RNLS: variants seen among roughly 807,000 people sequenced by gnomAD.
RNLS encodes renalase, FAD dependent amine oxidase, also known as renalase.
RNLS carries 39 observed loss-of-function variants against 39.8 expected under a neutral mutation model. The observed-to-expected ratio is 0.98, with a 90% CI of 0.76 to 1.28. The LOEUF is 1.28. RNLS is among the 50% of genes most tolerant of loss of function. The pLI, the probability that RNLS is intolerant of heterozygous loss-of-function variation, is 0.00. For synonymous variants in RNLS, 147 were observed against 150.7 expected (o/e 0.98, Z 0.18); for missense variants, 410 against 413.3 (o/e 0.99, Z 0.07).
chr10:88,404,269 A>C (rs1431692884), intron 4 of RNLS, among the ~76,000 whole-genome samples: 2 of 152,052 alleles, frequency 1.3e-5, no homozygotes, highest in Admixed American at 1.3e-4. Context: ...TGCAACTGAG[A>C]ATCAATTGAT....
the RNLS span, among the ~76,000 whole-genome samples, chr10:88,224,805 A>T: frequency 4.4e-4 from 67 of 152,348 alleles, no homozygotes; most frequent in African/African-American, 1.6e-3. Flanking sequence ...AATTCAAATG[A>T]TAACACAAAT....
At position 88,572,995 on chromosome 10, in the gene RNLS, G is replaced by T; in HGVS notation, c.434C>A (p.Ser145Tyr). ...CTGCTCAGGGGAGCCTGTTTGTTTG[G>T]ATACTTCCCATTTGTCATCTCTTAG... is the stretch of plus-strand genomic sequence containing the variant. Reference protein sequence around the residue: ...INLRDDKWEVSKQTGSPEQFD... With the variant: ...INLRDDKWEVYKQTGSPEQFD... The change falls in exon 4 of 7, where the codon TCC becomes TAC. Residue 145 changes from serine (S) to tyrosine (Y), a missense_variant. Transcript: ENST00000331772. 2 of 1,614,056 alleles carry T rather than the reference G, an allele frequency of 1.2e-6. No homozygotes were observed. Among genetic ancestry groups the T allele is most frequent in the Non-Finnish European group, 8.5e-7 (1 of 1,179,936 alleles).
At chr10:88,576,393 G>T (rs2134469748) in intron 3 of RNLS, among the ~76,000 whole-genome samples, 2 of 152,260 alleles carry the variant, frequency 1.3e-5, no homozygotes, top group Middle Eastern at 6.8e-3. Flanking sequence ...ATGTGTTTCT[G>T]TTATATATTT....
chr10:88,235,184 C>T, the RNLS span, among the ~76,000 whole-genome samples: 10 of 138,708 alleles, frequency 7.2e-5, no homozygotes, highest in African/African-American at 1.6e-4. Context: ...AAGAGAATGG[C>T]GTGAACGCGG....
At chr10:88,556,243 C>T (rs73357264) in intron 4 of RNLS, among the ~76,000 whole-genome samples, 1 of 152,126 alleles carries the variant, frequency 6.6e-6, no homozygotes, top group African/African-American at 2.4e-5. Context: ...ATCCTGGCAG[C>T]CATACTTTTG....
chr10:88,432,271 C>T (rs1425889187), intron 4 of RNLS, among the ~76,000 whole-genome samples: 1 of 151,810 alleles, frequency 6.6e-6, no homozygotes, highest in Admixed American at 6.6e-5. Flanking sequence ...GTTTATATAG[C>T]CACTTCAGCT....
chr10:88,228,826 T>C, the RNLS span, among the ~76,000 whole-genome samples: 1 of 152,230 alleles, frequency 6.6e-6, no homozygotes, highest in Non-Finnish European at 1.5e-5. Context: ...TAACAGCACA[T>C]GTAGCATCTC....
chr10:88,492,577 C>T (rs1246056432), intron 4 of RNLS, among the ~76,000 whole-genome samples: 1 of 151,876 alleles, frequency 6.6e-6, no homozygotes, highest in African/African-American at 2.4e-5. Flanking sequence ...CACCACCATG[C>T]CTGGCTAATT....
At chr10:88,481,192 C>T (rs1477463561) in intron 4 of RNLS, among the ~76,000 whole-genome samples, 1 of 152,110 alleles carries the variant, frequency 6.6e-6, no homozygotes. Context: ...TTACTTTTAA[C>T]TAGTGTCTTT....
chr10:88,187,147 T>C, the RNLS span, among the ~76,000 whole-genome samples: 1 of 116,204 alleles, frequency 8.6e-6, no homozygotes, highest in Non-Finnish European at 2.0e-5. Flanking sequence ...GCTCAAAAAA[T>C]ATATATATAT....
At chr10:88,227,766 G>T in the RNLS span, among the ~76,000 whole-genome samples, 1 of 152,152 alleles carries the variant, frequency 6.6e-6, no homozygotes, top group Non-Finnish European at 1.5e-5. Flanking sequence ...ATCATTCCTT[G>T]CCAGTCATCC....
chr10:88,397,749 T>C (rs1347919879), intron 4 of RNLS, among the ~76,000 whole-genome samples: 1 of 151,760 alleles, frequency 6.6e-6, no homozygotes, highest in Non-Finnish European at 1.5e-5. Flanking sequence ...AAAAGTCATA[T>C]GAAAATTCAC....
intron 4 of RNLS, among the ~76,000 whole-genome samples, chr10:88,445,910 C>T (rs574922593): frequency 3.9e-5 from 6 of 152,136 alleles, no homozygotes; most frequent in African/African-American, 1.2e-4. Context: ...ATCAACAAGA[C>T]AGAAAGTTAA....
chr10:88,248,196 A>G, the RNLS span, among the ~76,000 whole-genome samples: 3 of 152,258 alleles, frequency 2.0e-5, no homozygotes, highest in African/African-American at 7.2e-5. Context: ...GAGCAAGTTC[A>G]GAAAGATCTA....
chr10:88,387,162 C>T (rs1851911025), intron 4 of RNLS, among the ~76,000 whole-genome samples: 1 of 152,106 alleles, frequency 6.6e-6, no homozygotes, highest in Admixed American at 6.6e-5. Context: ...CCCAAACTTC[C>T]GGAAGCCTTA....
intron 4 of RNLS, among the ~76,000 whole-genome samples, chr10:88,544,444 T>C (rs12219242): frequency 0.45 from 68,343 of 152,048 alleles, 16,637 homozygotes; most frequent in African/African-American, 0.64. Flanking sequence ...TATATTTCTG[T>C]TTTGTCCCAT....
chr10:88,404,620 T>A (rs1219394936), intron 4 of RNLS, among the ~76,000 whole-genome samples: 1 of 152,008 alleles, frequency 6.6e-6, no homozygotes, highest in Non-Finnish European at 1.5e-5. Flanking sequence ...ACGGGAAAGC[T>A]CTAAATATAA....
chr10:88,328,413 T>G (rs542145931), intron 5 of RNLS, among the ~76,000 whole-genome samples: 4 of 152,220 alleles, frequency 2.6e-5, no homozygotes, highest in Non-Finnish European at 5.9e-5. Flanking sequence ...TGTTTGAATA[T>G]TTTAACAATA....
chr10:88,521,725 A>G (rs756360370), intron 4 of RNLS, among the ~76,000 whole-genome samples: 2 of 152,044 alleles, frequency 1.3e-5, no homozygotes, highest in Non-Finnish European at 2.9e-5. Flanking sequence ...GCTTGGAGAC[A>G]GAAAGTATAA....
Sources: allele counts gnomAD v4.1 joint callset (sites outside exome capture counted in the v4.1 genomes callset), GRCh38; gene constraint gnomAD v4.1.1; transcripts MANE v1.5; gene names NCBI Gene and HGNC (gene_info 2026-07-23, HGNC 2026-07-21).